The following NRK variants were observed in gnomAD, a reference collection of about 807,000 sequenced individuals.
NRK encodes the protein Nik related kinase.
Under a neutral mutation model 125.2 loss-of-function variants are expected in NRK, and 67 were observed. That is an observed-to-expected ratio of 0.54 (90% confidence interval 0.44 to 0.66). The LOEUF (loss-of-function observed/expected upper bound fraction) is 0.66, where lower values mean the gene tolerates loss of function less well. NRK is among the 30% of genes least tolerant of loss of function. The pLI, the probability that NRK is intolerant of heterozygous loss-of-function variation, is 0.00. For synonymous variants in NRK, 458 were observed against 429.0 expected (o/e 1.07, Z -0.84); for missense variants, 1,224 against 1,192.9 (o/e 1.03, Z -0.38).
chrX:105,944,337 G>A (rs1415269444), intron 24 of NRK, among the ~76,000 whole-genome samples: 2 of 111,336 alleles, frequency 1.8e-5, no homozygotes, highest in African/African-American at 3.3e-5. Flanking sequence ...AGGACTACAG[G>A]CATACATCAC....
intron 2 of NRK, among the ~76,000 whole-genome samples, chrX:105,876,368 C>T (rs887194173): frequency 9.0e-6 from 1 of 110,941 alleles, no homozygotes; most frequent in Admixed American, 9.6e-5. Context: ...TATCAAACCA[C>T]CTTGTTATAA....
intron 19 of NRK, among the ~76,000 whole-genome samples, chrX:105,926,047 A>G (rs2040519670): frequency 9.0e-6 from 1 of 111,436 alleles, no homozygotes; most frequent in Non-Finnish European, 1.9e-5. Flanking sequence ...TTGTGGGTGT[A>G]GTAGTTTACA....
chrX:105,842,703 G>A lies in NRK; in HGVS notation c.123+11584G>A, dbSNP rs1850988976. 6.3e-5 allele frequency among the ~76,000 whole-genome samples: 7 copies of A among 111,709 alleles called. No individual in the cohort carries two copies. The Admixed American group carries it at 6.7e-4, about 11-fold the overall frequency. ...AGAGTCTGGGCTGAATAAATTACAT[G>A]TAGGTCTAAGTGGCTATAGCTTGGA... On this transcript the variant is annotated intron_variant, in intron 2 of 28. Coordinates refer to ENST00000243300, the MANE Select transcript of NRK (RefSeq NM_198465.4).
At chrX:105,842,955 A>G (rs927500429) in intron 2 of NRK, among the ~76,000 whole-genome samples, 2 of 112,048 alleles carry the variant, frequency 1.8e-5, no homozygotes, top group Non-Finnish European at 3.8e-5. Flanking sequence ...ACCTTTCCAC[A>G]AAACAAAGTG....
chrX:105,886,218 G>A (rs1306363588), intron 4 of NRK, among the ~76,000 whole-genome samples: 1 of 109,222 alleles, frequency 9.2e-6, no homozygotes, highest in Non-Finnish European at 1.9e-5. Flanking sequence ...GCAATCTTGT[G>A]CAGCCATAAG....
At position 105,898,721 on chromosome X, in the gene NRK, G is replaced by A; in HGVS notation, c.711+7G>A. 1 of 1,140,163 alleles carries A rather than the reference G, an allele frequency of 8.8e-7. No homozygotes were observed. Among genetic ancestry groups the A allele is most frequent in the Non-Finnish European group, 1.2e-6 (1 of 857,936 alleles). 94.0% of individuals were successfully genotyped at this position (1,140,163 alleles called of 1,213,427 possible). A position where few individuals can be genotyped will look rare whatever the true frequency, so the allele number is the denominator to read the frequency against. On this transcript the variant is annotated splice_region_variant and intron_variant, in intron 8 of 28. Transcript: ENST00000243300. ...ACGCTCCTATGATTACAGAGTGAGT[G>A]TGAGAATTCAGCCAGTGGAAATTAC...
Position 105,834,280 on chromosome X carries a change from TTCTC to T in NRK, c.123+3164_123+3167del, listed in dbSNP as rs775464013. Reference sequence around the variant, plus strand: ...GGATTGAGAGTTATTATTTTTTTCTTTCTCTCAGCAGTTTAAACATGCCAATTTG... The same window carrying T: ...GGATTGAGAGTTATTATTTTTTTCTTTCAGCAGTTTAAACATGCCAATTTG... On this transcript the variant is annotated intron_variant, in intron 2 of 28. Coordinates refer to ENST00000243300, the MANE Select transcript of NRK (RefSeq NM_198465.4). Among the ~76,000 whole-genome samples the T allele has an allele frequency of 1.6e-4, 18 of 112,147 alleles. No individual in the cohort carries two copies. The East Asian group carries it at 2.0e-3, about 12-fold the overall frequency.
At chrX:105,954,211 T>TA (rs1389104008) in intron 28 of NRK, among the ~76,000 whole-genome samples, 1 of 111,479 alleles carries the variant, frequency 9.0e-6, no homozygotes, top group Admixed American at 9.6e-5. Context: ...GCATATCTTT[T>TA]AAAAAAATTA....
At chrX:105,896,939 G>A (rs1031498823) in intron 7 of NRK, among the ~76,000 whole-genome samples, 3 of 112,389 alleles carry the variant, frequency 2.7e-5, no homozygotes, top group African/African-American at 9.7e-5. Flanking sequence ...TAATCACAAG[G>A]CTAAACACTG....
intron 9 of NRK, among the ~76,000 whole-genome samples, chrX:105,902,388 G>C (rs765559863): frequency 9.0e-6 from 1 of 111,658 alleles, no homozygotes; most frequent in African/African-American, 3.3e-5. Flanking sequence ...TTGTTGCCTG[G>C]AATATTAATT....
At chrX:105,881,801 T>C (rs755950148) in intron 4 of NRK, 22 bp downstream of exon 4, 164 of 881,734 alleles carry the variant, frequency 1.9e-4, no homozygotes, top group Non-Finnish European at 2.5e-4. Context: ...AAGTTCTCAT[T>C]AATACCCAAG....
chrX:105,847,644 C>T (rs2039419507), intron 2 of NRK, among the ~76,000 whole-genome samples: 1 of 112,263 alleles, frequency 8.9e-6, no homozygotes, highest in African/African-American at 3.2e-5. Context: ...AAAGACTAAT[C>T]GCTTTGACAA....
intron 26 of NRK, among the ~76,000 whole-genome samples, chrX:105,947,806 A>C (rs2040836283): frequency 8.9e-6 from 1 of 112,296 alleles, no homozygotes; most frequent in South Asian, 3.6e-4. Flanking sequence ...CAGCTCTCAG[A>C]ATTGTCTCAT....
intron 2 of NRK, among the ~76,000 whole-genome samples, chrX:105,854,819 G>A (rs1451207834): frequency 2.7e-5 from 3 of 111,766 alleles, no homozygotes; most frequent in African/African-American, 6.5e-5. Flanking sequence ...CTTTGGAATC[G>A]CTGAGACCTG....
At chrX:105,842,109 G>GA (rs1044548911) in intron 2 of NRK, among the ~76,000 whole-genome samples, 1 of 111,348 alleles carries the variant, frequency 9.0e-6, no homozygotes, top group Non-Finnish European at 1.9e-5. Context: ...TTAGCCAATT[G>GA]AAAAAACAAT....
chrX:105,895,558 C>A (rs1360693721), intron 7 of NRK, 35 bp downstream of exon 7: 1 of 886,306 alleles, frequency 1.1e-6, no homozygotes, highest in South Asian at 2.0e-5. Context: ...AAGTCCAAAA[C>A]ATCTTAATGG....
At chrX:105,888,563 C>G (rs1257320728) in intron 5 of NRK, 144 bp downstream of exon 5, 1 of 494,672 alleles carries the variant, frequency 2.0e-6, no homozygotes, top group Non-Finnish European at 3.2e-6. Flanking sequence ...AATCTGGTCT[C>G]ACAATGCTAT....
At chrX:105,918,690 A>G (rs1273642886) in intron 16 of NRK, among the ~76,000 whole-genome samples, 1 of 110,732 alleles carries the variant, frequency 9.0e-6, no homozygotes, top group Non-Finnish European at 1.9e-5. Flanking sequence ...AACAACTAAA[A>G]ATTTAAGGTT....
chrX:105,919,739 G>C (rs889781064), intron 16 of NRK, among the ~76,000 whole-genome samples: 7 of 111,818 alleles, frequency 6.3e-5, no homozygotes, highest in African/African-American at 1.9e-4. Context: ...ATATGTGGGG[G>C]TTAAGATTGA....
Sources: gnomAD v4.1 joint callset for allele counts (sites outside exome capture counted in the v4.1 genomes callset) on GRCh38, gnomAD v4.1.1 for gene constraint, MANE v1.5 for transcripts, NCBI Gene and HGNC (gene_info 2026-07-23, HGNC 2026-07-21) for gene names.